The following NREP variants were observed in gnomAD, a reference collection of about 807,000 sequenced individuals.
The protein encoded by NREP is neuronal regeneration related protein, also known as neuronal regeneration-related protein.
A neutral mutation model predicts 8.6 loss-of-function variants in NREP; 5 were observed. That is an observed-to-expected ratio of 0.58 (90% CI 0.30 to 1.22). The LOEUF (loss-of-function observed/expected upper bound fraction) is 1.22. NREP is among the 50% of genes most tolerant of loss of function. The probability of loss-of-function intolerance (pLI) is 0.07; values close to 1 mark genes in which losing one functional copy is unlikely to be tolerated. For synonymous variants in NREP, 27 were observed against 28.0 expected (o/e 0.96, Z 0.11); for missense variants, 86 against 82.5 (o/e 1.04, Z -0.17).
chr5:111,879,026 G>A (rs1411487564), intron 2 of NREP, among the ~76,000 whole-genome samples: 1 of 152,216 alleles, frequency 6.6e-6, no homozygotes, highest in East Asian at 1.9e-4. Flanking sequence ...AATGGAAGAT[G>A]TTTGGATCAT....
At chr5:111,919,985 C>CAA (rs1755191358) in intron 2 of NREP, among the ~76,000 whole-genome samples, 1 of 111,658 alleles carries the variant, frequency 9.0e-6, no homozygotes, top group Non-Finnish European at 1.9e-5. Context: ...CCCCCCCCCC[C>CAA]ACACACACAA....
intron 2 of NREP, among the ~76,000 whole-genome samples, chr5:111,944,618 C>A (rs1428145968): frequency 6.6e-6 from 1 of 152,072 alleles, no homozygotes; most frequent in Non-Finnish European, 1.5e-5. Context: ...TCTTCTCTTT[C>A]CAATTTTATT....
chr5:111,822,832 A>G (rs1487474812), intron 2 of NREP, among the ~76,000 whole-genome samples: 2 of 152,244 alleles, frequency 1.3e-5, no homozygotes, highest in Non-Finnish European at 2.9e-5. Context: ...AATATTTGTC[A>G]TTAGTATGCA....
At chr5:111,777,343 GGTGT>G (rs1751388569) in intron 2 of NREP, among the ~76,000 whole-genome samples, 1 of 147,760 alleles carries the variant, frequency 6.8e-6, no homozygotes, top group African/African-American at 2.5e-5. Flanking sequence ...GTGTGGTGTG[GGTGT>G]GTGTGTGAGT....
At chr5:111,772,655 C>T (rs986264862) in intron 2 of NREP, among the ~76,000 whole-genome samples, 1 of 151,950 alleles carries the variant, frequency 6.6e-6, no homozygotes, top group African/African-American at 2.4e-5. Flanking sequence ...GAGACACCAA[C>T]AGGGATGCTG....
At chr5:111,735,591 T>G in intron 2 of NREP, 84 bp from the exon 3 acceptor site, 50 of 866,526 alleles carry the variant, frequency 5.8e-5, no homozygotes, top group Non-Finnish European at 6.6e-5. Context: ...ATGAGCTCAA[T>G]TCTCCTCAAT....
chr5:111,915,435 T>C (rs1755030171), intron 2 of NREP, among the ~76,000 whole-genome samples: 1 of 151,432 alleles, frequency 6.6e-6, no homozygotes, highest in Non-Finnish European at 1.5e-5. Context: ...AAAAAAAGGC[T>C]GGAGTCATTT....
At chr5:111,801,966 G>T (rs1189497753) in intron 2 of NREP, among the ~76,000 whole-genome samples, 1 of 152,128 alleles carries the variant, frequency 6.6e-6, no homozygotes, top group Non-Finnish European at 1.5e-5. Context: ...AAATGACATA[G>T]GCAGCTCTGA....
chr5:111,913,331 T>C (rs1168745163), intron 2 of NREP, among the ~76,000 whole-genome samples: 1 of 152,080 alleles, frequency 6.6e-6, no homozygotes, highest in African/African-American at 2.4e-5. Context: ...TTTCAGGTGT[T>C]TTTCAGGAGA....
At chr5:111,795,673 T>C (rs1479334450) in intron 2 of NREP, among the ~76,000 whole-genome samples, 1 of 152,370 alleles carries the variant, frequency 6.6e-6, no homozygotes, top group East Asian at 1.9e-4. Context: ...AACCTATTCA[T>C]GTATAATTAC....
chr5:111,768,102 T>C (rs1180949260), intron 2 of NREP, among the ~76,000 whole-genome samples: 10 of 152,264 alleles, frequency 6.6e-5, no homozygotes, highest in African/African-American at 2.4e-4. Context: ...ATATGCATAT[T>C]ACAAATCAGG....
At chr5:111,911,899 C>T (rs1561723348) in intron 2 of NREP, among the ~76,000 whole-genome samples, 1 of 152,052 alleles carries the variant, frequency 6.6e-6, no homozygotes, top group East Asian at 1.9e-4. Flanking sequence ...GTAGTGCCCA[C>T]CACCATCCTA....
chr5:111,954,147 G>A (rs1254548847), intron 2 of NREP, among the ~76,000 whole-genome samples: 1 of 152,084 alleles, frequency 6.6e-6, no homozygotes, highest in Non-Finnish European at 1.5e-5. Context: ...TGGCCAAGAT[G>A]GAAAAATATA....
At chr5:111,811,315 A>T (rs1318771202) in intron 2 of NREP, among the ~76,000 whole-genome samples, 1 of 147,106 alleles carries the variant, frequency 6.8e-6, no homozygotes, top group African/African-American at 2.7e-5. Flanking sequence ...AATTATTAAG[A>T]CATGTGTATC....
At chr5:111,968,179 A>G (rs1421246548) in intron 2 of NREP, among the ~76,000 whole-genome samples, 1 of 152,254 alleles carries the variant, frequency 6.6e-6, no homozygotes, top group Non-Finnish European at 1.5e-5. Context: ...TTAGAAACCA[A>G]GTAAATTAGG....
chr5:111,923,367 TC>T (rs1167657320), intron 2 of NREP, among the ~76,000 whole-genome samples: 1 of 152,170 alleles, frequency 6.6e-6, no homozygotes, highest in African/African-American at 2.4e-5. Context: ...TTCCCTGAGA[TC>T]CTCCATGGCT....
intron 2 of NREP, among the ~76,000 whole-genome samples, chr5:111,970,825 C>CAAAAAAAA (rs33962098): frequency 6.0e-4 from 32 of 53,536 alleles, no homozygotes; most frequent in East Asian, 2.0e-3. Context: ...GACTCCATCT[C>CAAAAAAAA]AAAAAAAAAA....
chr5:111,755,722 C>A, intron 2 of NREP, 48 bp downstream of exon 2: 1 of 1,601,606 alleles, frequency 6.2e-7, no homozygotes, highest in Non-Finnish European at 8.6e-7. Flanking sequence ...TTATATGTAA[C>A]AGACTGGTAA....
intron 2 of NREP, among the ~76,000 whole-genome samples, chr5:111,831,670 A>T (rs1752771161): frequency 1.3e-5 from 2 of 152,306 alleles, no homozygotes; most frequent in South Asian, 4.1e-4. Flanking sequence ...ATCTTCTCTC[A>T]GCCTCTTCCT....
Sources: gnomAD v4.1 joint callset for allele counts (sites outside exome capture counted in the v4.1 genomes callset) on GRCh38, gnomAD v4.1.1 for gene constraint, MANE v1.5 for transcripts, NCBI Gene and HGNC (gene_info 2026-07-23, HGNC 2026-07-21) for gene names.